ERICH1: variants seen among roughly 807,000 people sequenced by gnomAD.
The protein encoded by ERICH1 is glutamate-rich protein 1.
A neutral mutation model predicts 39.6 loss-of-function variants in ERICH1; 56 were observed. The ratio of observed to expected loss-of-function variants is 1.41; its 90% CI spans 1.14 to 1.77. The LOEUF is 1.77. Among genes scored for constraint, ERICH1 ranks in the 40% most tolerant of loss-of-function variants. The pLI is 0.00. For synonymous variants in ERICH1, 313 were observed against 223.6 expected (o/e 1.40, Z -3.57); for missense variants, 826 against 575.4 (o/e 1.44, Z -4.45).
intron 1 of ERICH1, among the ~76,000 whole-genome samples, chr8:717,164 C>T (rs547919568): frequency 1.3e-5 from 2 of 152,166 alleles, no homozygotes; most frequent in Admixed American, 1.3e-4. Context: ...CCTGCTTTTG[C>T]TGGGAGGAAA....
intron 1 of ERICH1, among the ~76,000 whole-genome samples, chr8:718,052 G>C (rs947328326): frequency 6.6e-6 from 1 of 152,078 alleles, no homozygotes; most frequent in Admixed American, 6.5e-5. Flanking sequence ...CAACACATCA[G>C]CGTTTGGATC....
intron 1 of ERICH1, among the ~76,000 whole-genome samples, chr8:716,872 C>T (rs758937672): frequency 5.3e-5 from 8 of 152,134 alleles, no homozygotes; most frequent in East Asian, 1.9e-4. Flanking sequence ...GGAGGCTCCA[C>T]GGCCCTACCT....
At chr8:630,001 C>G (rs1463419419) in intron 3 of ERICH1, among the ~76,000 whole-genome samples, 1 of 134,316 alleles carries the variant, frequency 7.4e-6, no homozygotes, top group East Asian at 2.2e-4. Flanking sequence ...CTCCTGTGAG[C>G]ACCCACACAG....
At position 667,574 on chromosome 8, in the gene ERICH1, A is replaced by C. The variant is rs142523014; in HGVS notation, c.1258+1024T>G. ...TCCCCAGTGGTAGGCTGCACAGCCC[A>C]CAGCACCATGCAGGGCAACACAAAG... On this transcript the variant is annotated intron_variant, in intron 5 of 5. Coordinates refer to ENST00000262109, the MANE Select transcript of ERICH1 (RefSeq NM_207332.3). 6.7e-3 allele frequency: 1,028 copies of C among 153,404 alleles called. 10 individuals carry two copies. Among genetic ancestry groups the C allele is most frequent in the African/African-American group, 0.023 (960 of 41,592 alleles). 9.5% of individuals were successfully genotyped at this position (153,404 alleles called of 1,614,324 possible).
rs781428644 is a variant in ERICH1, at chr8:673,707, C to G, written c.645G>C (p.Glu215Asp). 1 of 1,614,180 alleles carries G rather than the reference C, an allele frequency of 6.2e-7. No homozygotes were observed. Among genetic ancestry groups the G allele is most frequent in the Non-Finnish European group, 8.5e-7 (1 of 1,179,996 alleles). The change falls in exon 4 of 6, where the codon GAG becomes GAC. Residue 215 changes from glutamate to aspartate, a missense_variant. Coordinates refer to ENST00000262109, the MANE Select transcript of ERICH1 (RefSeq NM_207332.3). ...ACEEDGVDTS[E>D]EDPTLAGEED... ...CCTCCCCGGCCAGTGTCGGGTCTTC[C>G]TCGCTGGTGTCCACACCATCCTCCT... is the stretch of plus-strand genomic sequence containing the variant.
rs1216983933 is a variant in ERICH1, at chr8:648,368, C to T, written c.976+20230G>A. On this transcript the variant is annotated intron_variant, in intron 3 of 3. Transcript: ENST00000522706. ...GACTCAAATCCACACATCAGGCCCA[C>T]GGCAAGGATGCTGACTCCAGGTCGC... Among the ~76,000 whole-genome samples the T allele has an allele frequency of 1.4e-4, 9 of 66,638 alleles. 4 individuals carry two copies. The highest frequency in any genetic ancestry group is 2.7e-4 in the African/African-American group (7 of 26,320). The allele number at this position is 66,638 out of a possible 152,430, so 43.7% of individuals were successfully genotyped here.
At chr8:707,234 G>A (rs1285720305) in intron 2 of ERICH1, among the ~76,000 whole-genome samples, 10 of 136,818 alleles carry the variant, frequency 7.3e-5, no homozygotes, top group Non-Finnish European at 3.1e-5. Context: ...TTTAGACAGA[G>A]TATCACTCTA....
intron 3 of ERICH1, among the ~76,000 whole-genome samples, chr8:630,458 G>C (rs62486191): frequency 0.041 from 3,871 of 93,568 alleles, 255 homozygotes; most frequent in Non-Finnish European, 0.06. Flanking sequence ...CCTCCCGTGA[G>C]CACCCAGACA....
At chr8:653,867 C>T (rs1456750466) in intron 3 of ERICH1, among the ~76,000 whole-genome samples, 6 of 105,770 alleles carry the variant, frequency 5.7e-5, no homozygotes, top group East Asian at 5.4e-4. Context: ...GCCACATGCG[C>T]GCAGGGGAAT....
At chr8:619,415 A>T (rs990073913) in intron 3 of ERICH1, among the ~76,000 whole-genome samples, 2 of 152,238 alleles carry the variant, frequency 1.3e-5, no homozygotes, top group Non-Finnish European at 2.9e-5. Flanking sequence ...ACATAAAAGA[A>T]TATGTATATA....
In ERICH1 at chr8:668,591, T is replaced by G. The variant is rs1358107433; in HGVS notation, c.1258+7A>C. Reference sequence around the variant, plus strand: ...GCAGGACCTTGAATAAATCGTACGGTACTTACCAGGAGGCATCGTGCAATG... The same window carrying G: ...GCAGGACCTTGAATAAATCGTACGGGACTTACCAGGAGGCATCGTGCAATG... On this transcript the variant is annotated splice_region_variant and intron_variant, in intron 5 of 5. Coordinates refer to ENST00000262109, the MANE Select transcript of ERICH1 (RefSeq NM_207332.3). 4 of 1,614,052 alleles carry G rather than the reference T, an allele frequency of 2.5e-6. No homozygotes were observed. The African/African-American group carries it at 5.3e-5, about 22-fold the overall frequency.
At chr8:728,726 A>T (rs1585765349) in intron 1 of ERICH1, among the ~76,000 whole-genome samples, 1 of 152,220 alleles carries the variant, frequency 6.6e-6, no homozygotes, top group African/African-American at 2.4e-5. Flanking sequence ...CTTGCAAAGT[A>T]GGCCCAAGAA....
At chr8:624,038 C>T (rs1051251724) in intron 3 of ERICH1, among the ~76,000 whole-genome samples, 64 of 152,150 alleles carry the variant, frequency 4.2e-4, no homozygotes, top group African/African-American at 1.4e-3. Flanking sequence ...AAATAAATAA[C>T]TTTTACAACT....
chr8:711,733 G>A (rs1435951220), intron 2 of ERICH1, among the ~76,000 whole-genome samples: 1 of 152,054 alleles, frequency 6.6e-6, no homozygotes, highest in African/African-American at 2.4e-5. Flanking sequence ...TCCTGACCTC[G>A]TGATCCGCCC....
At chr8:652,261 G>A (rs1422193439) in intron 3 of ERICH1, among the ~76,000 whole-genome samples, 3 of 152,236 alleles carry the variant, frequency 2.0e-5, no homozygotes, top group African/African-American at 7.2e-5. Flanking sequence ...GAAAGGTTAC[G>A]TGATGGAGGG....
In ERICH1 at chr8:668,692, G is replaced by C. The variant is rs570956180; in HGVS notation, c.1164C>G (p.Ile388Met). 2 of 1,614,144 alleles carry C rather than the reference G, an allele frequency of 1.2e-6. No homozygotes were observed. The highest frequency in any genetic ancestry group is 1.7e-6 in the Non-Finnish European group (2 of 1,180,042). Residue 388 changes from isoleucine to methionine, a missense_variant, in exon 5 of 6, where the codon ATC (isoleucine) becomes ATG (methionine). Ile to Met is a conservative substitution (Grantham distance 10). Transcript: ENST00000262109. Reference sequence around the variant, plus strand: ...GCAGCAGCGTTTTCATGTGGTACAGGATGGACACGTCTGAGGGCAGCATGC... The same window carrying C: ...GCAGCAGCGTTTTCATGTGGTACAGCATGGACACGTCTGAGGGCAGCATGC... Reference protein sequence around the residue: ...SHSMLPSDVSILYHMKTLLLL... With the variant: ...SHSMLPSDVSMLYHMKTLLLL...
intron 3 of ERICH1, among the ~76,000 whole-genome samples, chr8:649,755 G>A (rs986595484): frequency 2.0e-5 from 3 of 152,138 alleles, no homozygotes; most frequent in Non-Finnish European, 4.4e-5. Flanking sequence ...GACCATGAGC[G>A]CAGGCACCAT....
chr8:684,152 A>C (rs1164596040), intron 3 of ERICH1, among the ~76,000 whole-genome samples: 2 of 152,240 alleles, frequency 1.3e-5, no homozygotes, highest in African/African-American at 2.4e-5. Flanking sequence ...AAAATGATAA[A>C]AATTTTATAA....
chr8:710,730 A>G (rs556271041), intron 2 of ERICH1, among the ~76,000 whole-genome samples: 31 of 152,300 alleles, frequency 2.0e-4, no homozygotes, highest in African/African-American at 5.8e-4. Flanking sequence ...GCCCTGAATA[A>G]TTTTCCGTTG....
Sources: gnomAD v4.1 joint callset for allele counts (sites outside exome capture counted in the v4.1 genomes callset) on GRCh38, gnomAD v4.1.1 for gene constraint, MANE v1.5 for transcripts, NCBI Gene and HGNC (gene_info 2026-07-23, HGNC 2026-07-21) for gene names.